PELI1: variants seen among roughly 807,000 people sequenced by gnomAD.
PELI1 encodes the protein pellino E3 ubiquitin protein ligase 1, also known as E3 ubiquitin-protein ligase pellino homolog 1.
In PELI1, 15 loss-of-function variants were observed where a neutral mutation model predicts 41.3. The observed-to-expected ratio is 0.36, with a 90% confidence interval of 0.24 to 0.56. The LOEUF is 0.56. PELI1 is among the 20% of genes least tolerant of loss of function. The pLI, the probability that PELI1 is intolerant of heterozygous loss-of-function variation, is 0.82. For missense variants in PELI1, 403 were observed against 525.5 expected (o/e 0.77, Z 2.28); for synonymous variants, 178 against 180.1 (o/e 0.99, Z 0.09).
At chr2:64,143,246 C>T (rs1329541345) in intron 1 of PELI1, 1 of 152,216 alleles carries the variant, frequency 6.6e-6, no homozygotes, top group Non-Finnish European at 1.5e-5. Flanking sequence ...GCATTTTTCA[C>T]TAAGTCTTTA....
rs1244782946 is a variant in PELI1, at chr2:64,131,621, T to C, written c.-70+12460A>G. ...GAGAGTGAAATAGTAATCTCTCTCT[T>C]TTTTTTTTTTTTAAATTGAGACGGA... On this transcript the variant is annotated intron_variant, in intron 1 of 6. Coordinates refer to ENST00000358912, the MANE Select transcript of PELI1 (RefSeq NM_020651.4). 1.2e-4 allele frequency among the ~76,000 whole-genome samples: 17 copies of C among 145,516 alleles called. No homozygotes were observed. The East Asian group carries it at 2.4e-3, about 20-fold the overall frequency.
intron 4 of PELI1, among the ~76,000 whole-genome samples, chr2:64,097,290 G>A (rs1680274996): frequency 6.6e-6 from 1 of 152,218 alleles, no homozygotes. Flanking sequence ...GTTATGGGTT[G>A]AGAAATCAAA....
intron 1 of PELI1, among the ~76,000 whole-genome samples, chr2:64,109,047 A>G (rs1431397097): frequency 6.6e-6 from 1 of 152,220 alleles, no homozygotes; most frequent in Non-Finnish European, 1.5e-5. Context: ...CTATTAGGGC[A>G]ATGTAAAAGT....
chr2:64,105,328 C>A (rs1257721630), intron 2 of PELI1, among the ~76,000 whole-genome samples: 1 of 152,174 alleles, frequency 6.6e-6, no homozygotes, highest in South Asian at 2.1e-4. Flanking sequence ...CCTGAATGTA[C>A]AAATGCACTC....
chr2:64,106,067 G>A (rs147847776), intron 2 of PELI1: 8 of 152,330 alleles, frequency 5.3e-5, no homozygotes, highest in Non-Finnish European at 1.0e-4. Context: ...AATGTTGCTA[G>A]CCTTGCTGTA....
At chr2:64,126,180 T>C (rs564246684) in intron 1 of PELI1, among the ~76,000 whole-genome samples, 1 of 152,314 alleles carries the variant, frequency 6.6e-6, no homozygotes, top group East Asian at 1.9e-4. Context: ...CCTATTTTTT[T>C]TTGAGACGGA....
intron 1 of PELI1, chr2:64,143,652 T>C (rs1434829794): frequency 2.0e-5 from 3 of 152,188 alleles, no homozygotes; most frequent in Non-Finnish European, 2.9e-5. Flanking sequence ...AATGACTAAC[T>C]TGAAGTCTGC....
intron 4 of PELI1, among the ~76,000 whole-genome samples, chr2:64,100,051 A>G (rs1464057483): frequency 6.6e-6 from 1 of 152,178 alleles, no homozygotes; most frequent in African/African-American, 2.4e-5. Context: ...AATAGCTACT[A>G]TTCACTAAGT....
At chr2:64,133,613 A>T (rs543430554) in intron 1 of PELI1, among the ~76,000 whole-genome samples, 15 of 152,244 alleles carry the variant, frequency 9.9e-5, no homozygotes, top group Admixed American at 9.8e-4. Context: ...AGGAAACTCA[A>T]GCTCAAAGAG....
chr2:64,115,675 T>G (rs892030647), intron 1 of PELI1, among the ~76,000 whole-genome samples: 1 of 152,288 alleles, frequency 6.6e-6, no homozygotes, highest in African/African-American at 2.4e-5. Flanking sequence ...ATTTTATAAA[T>G]GGAGAAACTG....
At chr2:64,096,046 G>C (rs1478902189) in intron 6 of PELI1, 79 bp downstream of exon 6, 1 of 962,800 alleles carries the variant, frequency 1.0e-6, no homozygotes, top group East Asian at 2.4e-5. Context: ...GAGTTTTCTG[G>C]AATGTATGTA....
chr2:64,096,486 CA>C lies in PELI1; in HGVS notation c.427del (p.Cys143ValfsTer41). The C allele has an allele frequency of 6.2e-7, 1 of 1,613,434 alleles. No homozygotes were observed. The highest frequency in any genetic ancestry group is 8.5e-7 in the Non-Finnish European group (1 of 1,179,352). Reference protein sequence around the residue: ...TISRFACRIICERNPPFTARI... With the variant: ...TISRFACRIIXERNPPFTARI... ...TGCTGTAAAGGGAGGATTCCGTTCA[CA>C]TATGATTCTGCAGGCAAATCTTGAT... On this transcript the variant is annotated frameshift_variant, in exon 5 of 7. Coordinates refer to ENST00000358912, the MANE Select transcript of PELI1 (RefSeq NM_020651.4). LOFTEE classifies it high-confidence loss of function.
chr2:64,107,466 T>A (rs1680657743), intron 2 of PELI1, among the ~76,000 whole-genome samples: 1 of 152,178 alleles, frequency 6.6e-6, no homozygotes, highest in South Asian at 2.1e-4. Context: ...GCTGTCACCA[T>A]ACACATATAC....
At chr2:64,130,331 G>C (rs144349435) in intron 1 of PELI1, among the ~76,000 whole-genome samples, 1 of 152,250 alleles carries the variant, frequency 6.6e-6, no homozygotes, top group Admixed American at 6.5e-5. Flanking sequence ...TGAAAAAAAT[G>C]AAACTGAATA....
At chr2:64,113,872 AAT>A (rs1168571513) in intron 1 of PELI1, among the ~76,000 whole-genome samples, 2 of 152,190 alleles carry the variant, frequency 1.3e-5, no homozygotes, top group Non-Finnish European at 2.9e-5. Context: ...CTGAGAAATC[AAT>A]CTTTGTCTCT....
intron 4 of PELI1, among the ~76,000 whole-genome samples, chr2:64,097,128 T>G (rs758652413): frequency 1.3e-5 from 2 of 152,236 alleles, no homozygotes; most frequent in Non-Finnish European, 2.9e-5. Context: ...GGTCCTTATG[T>G]CAAGGGCTTA....
At chr2:64,140,819 C>A (rs1350446567) in intron 1 of PELI1, among the ~76,000 whole-genome samples, 311 of 64,866 alleles carry the variant, frequency 4.8e-3, no homozygotes, top group African/African-American at 0.015. Context: ...AAAAAAAAAC[C>A]TAGGGGCAGA....
intron 2 of PELI1, among the ~76,000 whole-genome samples, chr2:64,107,286 G>A (rs923176141): frequency 1.3e-5 from 2 of 152,128 alleles, no homozygotes; most frequent in African/African-American, 2.4e-5. Flanking sequence ...GGCTAATACT[G>A]TGTCTCCATT....
In PELI1 at chr2:64,104,794, CCTT is replaced by C. The variant is rs758525254; in HGVS notation, c.105_107del (p.Arg37del). The stretch of plus-strand genomic sequence containing the variant: ...TAAACAAAGCAAACCTACTTTTCCT[CCTT>C]CCTCTATCGCCATTTGGGAGAGACC... On this transcript the variant is annotated inframe_deletion, in exon 3 of 7. Coordinates refer to ENST00000358912, the MANE Select transcript of PELI1 (RefSeq NM_020651.4). 2 of 1,613,540 alleles carry C rather than the reference CCTT, an allele frequency of 1.2e-6. No individual in the cohort carries two copies. The highest frequency in any genetic ancestry group is 1.7e-6 in the Non-Finnish European group (2 of 1,179,766).
Sources: allele counts gnomAD v4.1 joint callset (sites outside exome capture counted in the v4.1 genomes callset), GRCh38; gene constraint gnomAD v4.1.1; transcripts MANE v1.5; gene names NCBI Gene and HGNC (gene_info 2026-07-23, HGNC 2026-07-21).